Variants in SLC39A11 observed in about 807,000 individuals in gnomAD.
SLC39A11 encodes the protein solute carrier family 39 member 11, also known as zinc transporter ZIP11.
Under a neutral mutation model 36.1 loss-of-function variants are expected in SLC39A11, and 33 were observed. The ratio of observed to expected loss-of-function variants is 0.91; its 90% CI spans 0.69 to 1.22. SLC39A11 has a LOEUF of 1.22. SLC39A11 is among the 50% of genes most tolerant of loss of function. The pLI is 0.00. For synonymous variants in SLC39A11, 166 were observed against 170.3 expected (o/e 0.97, Z 0.20); for missense variants, 432 against 430.3 (o/e 1.00, Z -0.03).
chr17:72,839,365 C>G (rs1339899574), intron 6 of SLC39A11: 1 of 152,048 alleles, frequency 6.6e-6, no homozygotes, highest in East Asian at 1.9e-4. Flanking sequence ...TATGATTATC[C>G]TGGATAATCT....
At chr17:73,074,329 GCT>G (rs1371402755) in intron 3 of SLC39A11, among the ~76,000 whole-genome samples, 1 of 126,714 alleles carries the variant, frequency 7.9e-6, no homozygotes, top group African/African-American at 3.1e-5. Flanking sequence ...ACAGAGTCTT[GCT>G]CTGTCACCCA....
At chr17:72,989,522 T>A (rs17183537) in intron 4 of SLC39A11, among the ~76,000 whole-genome samples, 3 of 152,188 alleles carry the variant, frequency 2.0e-5, no homozygotes, top group Admixed American at 2.0e-4. Context: ...AATGATCTAG[T>A]CTTGTATCTG....
intron 5 of SLC39A11, among the ~76,000 whole-genome samples, chr17:72,875,632 G>A (rs1225471232): frequency 1.3e-5 from 2 of 152,136 alleles, no homozygotes; most frequent in African/African-American, 4.8e-5. Context: ...ACATTCATGT[G>A]GCTCTGGTTG....
chr17:72,823,797 G>T (rs773539825), intron 6 of SLC39A11: 1 of 151,460 alleles, frequency 6.6e-6, no homozygotes, highest in East Asian at 1.9e-4. Context: ...TGCCACACTG[G>T]TGCTATGTTT....
intron 7 of SLC39A11, among the ~76,000 whole-genome samples, chr17:72,664,797 C>T (rs1291663736): frequency 1.3e-5 from 2 of 152,144 alleles, no homozygotes; most frequent in Non-Finnish European, 2.9e-5. Context: ...TCTGATTTAT[C>T]TTCTCTCCAT....
chr17:72,893,696 G>A (rs1214124350), intron 5 of SLC39A11, among the ~76,000 whole-genome samples: 1 of 152,046 alleles, frequency 6.6e-6, no homozygotes, highest in African/African-American at 2.4e-5. Flanking sequence ...CACAACATGA[G>A]AAAAATCAAG....
chr17:72,846,018 C>CTCTTTTTTT (rs2079035587), intron 6 of SLC39A11, among the ~76,000 whole-genome samples: 35 of 57,958 alleles, frequency 6.0e-4, no homozygotes, highest in Non-Finnish European at 9.6e-4. Flanking sequence ...CTCTCTCTCT[C>CTCTTTTTTT]TTTTTTTTTT....
chr17:72,820,039 G>C (rs1383246845), intron 6 of SLC39A11, among the ~76,000 whole-genome samples: 3 of 151,118 alleles, frequency 2.0e-5, no homozygotes, highest in Non-Finnish European at 3.0e-5. Context: ...AGGCACAAAG[G>C]CTTCCTTCCG....
intron 7 of SLC39A11, among the ~76,000 whole-genome samples, chr17:72,666,374 C>T (rs897835195): frequency 7.2e-5 from 11 of 152,196 alleles, no homozygotes; most frequent in South Asian, 2.1e-4. Context: ...CTCAGCAAAA[C>T]GGCAGTGGAG....
At chr17:73,061,765 C>T (rs1024379905) in intron 3 of SLC39A11, among the ~76,000 whole-genome samples, 12 of 152,088 alleles carry the variant, frequency 7.9e-5, no homozygotes, top group African/African-American at 2.2e-4. Context: ...GAGGCCAAGG[C>T]GAGTGAATTG....
intron 7 of SLC39A11, among the ~76,000 whole-genome samples, chr17:72,652,187 AG>A (rs1308707626): frequency 6.6e-6 from 1 of 152,226 alleles, no homozygotes; most frequent in Non-Finnish European, 1.5e-5. Flanking sequence ...GTGGGGGGCC[AG>A]ATTTGGCCCA....
At chr17:72,946,812 GC>G (rs1433526637) in intron 5 of SLC39A11, among the ~76,000 whole-genome samples, 5 of 152,154 alleles carry the variant, frequency 3.3e-5, no homozygotes, top group Admixed American at 6.5e-5. Flanking sequence ...AGAAGGAGAG[GC>G]GTCTGACCCC....
intron 6 of SLC39A11, among the ~76,000 whole-genome samples, chr17:72,781,701 G>T (rs1266410860): frequency 6.6e-6 from 1 of 152,274 alleles, no homozygotes. Flanking sequence ...TTACAGGCGT[G>T]AGCCACTGTA....
At position 72,686,152 on chromosome 17, in the gene SLC39A11, A is replaced by G. The variant is rs114424201; in HGVS notation, c.672-36884T>C. On this transcript the variant is annotated intron_variant, in intron 7 of 9. Transcript: ENST00000255559. ...CAAGGTACACTTAGGGGTTTTCCTCAACCCATAATGTGACACTCAACATCT... is the reference window on the plus strand; with the variant it reads ...CAAGGTACACTTAGGGGTTTTCCTCGACCCATAATGTGACACTCAACATCT... Among the ~76,000 whole-genome samples, 326 of 152,298 alleles carry G rather than the reference A, an allele frequency of 2.1e-3. 1 individual carries two copies. The highest frequency in any genetic ancestry group is 0.017 in the Middle Eastern group (5 of 294).
chr17:72,694,772 C>A (rs2072209491), intron 7 of SLC39A11, among the ~76,000 whole-genome samples: 1 of 152,228 alleles, frequency 6.6e-6, no homozygotes, highest in Non-Finnish European at 1.5e-5. Context: ...AGAGAGAAGA[C>A]CTGGGGCTGG....
chr17:72,908,948 A>G (rs2082812219), intron 5 of SLC39A11, among the ~76,000 whole-genome samples: 1 of 152,224 alleles, frequency 6.6e-6, no homozygotes, highest in African/African-American at 2.4e-5. Flanking sequence ...GTCATCTCAC[A>G]GGATATAAAG....
chr17:72,721,525 A>C (rs552952007), intron 7 of SLC39A11, among the ~76,000 whole-genome samples: 1 of 152,304 alleles, frequency 6.6e-6, no homozygotes, highest in East Asian at 1.9e-4. Context: ...AAGGTAAAAG[A>C]CAGCACAGGA....
intron 6 of SLC39A11, among the ~76,000 whole-genome samples, chr17:72,848,709 A>C (rs1417844716): frequency 7.0e-6 from 1 of 143,212 alleles, no homozygotes; most frequent in Non-Finnish European, 1.5e-5. Flanking sequence ...GGACAGAGCA[A>C]GACTCTGTCT....
intron 5 of SLC39A11, among the ~76,000 whole-genome samples, chr17:72,932,594 G>A (rs2084484565): frequency 6.6e-6 from 1 of 151,988 alleles, no homozygotes; most frequent in Non-Finnish European, 1.5e-5. Context: ...ATCCACACCT[G>A]AACCAAAACA....
Sources: allele counts gnomAD v4.1 joint callset (sites outside exome capture counted in the v4.1 genomes callset), GRCh38; gene constraint gnomAD v4.1.1; transcripts MANE v1.5; gene names NCBI Gene and HGNC (gene_info 2026-07-23, HGNC 2026-07-21).